The following NCR1 variants were observed in gnomAD, a reference collection of about 807,000 sequenced individuals.
The protein encoded by NCR1 is NK cell-activating receptor.
Under a neutral mutation model 32.5 loss-of-function variants are expected in NCR1, and 30 were observed. That is an observed-to-expected ratio of 0.92 (90% CI 0.69 to 1.25). The LOEUF is 1.25. Among genes scored for constraint, NCR1 ranks in the 50% most tolerant of loss-of-function variants. The pLI is 0.00. For synonymous variants in NCR1, 169 were observed against 143.4 expected, an observed-to-expected ratio of 1.18 and a Z score of -1.28; for missense variants, 369 against 380.7, an observed-to-expected ratio of 0.97 and a Z score of 0.26.
chr19:54,906,198 C>T lies in NCR1; in HGVS notation c.11C>T (p.Thr4Ile), dbSNP rs1449775203. The T allele has an allele frequency of 3.1e-6, 5 of 1,614,058 alleles. No homozygotes were observed. Among genetic ancestry groups the T allele is most frequent in the Non-Finnish European group, 4.2e-6 (5 of 1,180,056 alleles). The change falls in exon 1 of 7, where the codon ACA (threonine) becomes ATA (isoleucine). Residue 4 changes from threonine to isoleucine, a missense_variant. Physicochemically the swap from Thr to Ile is moderately conservative, Grantham distance 89. Transcript: ENST00000291890. ...GGCAGAATCTGAGCGATGTCTTCCA[C>T]ACTCCCTGCCCTGCTCTGCGTCGGT... MSS[T>I]LPALLCVGLC... is the part of the protein sequence containing the mutation.
At chr19:54,913,381 A>G (rs573616261), downstream of NCR1, among the ~76,000 whole-genome samples, 14 of 152,154 alleles carry the variant, frequency 9.2e-5, no homozygotes, top group African/African-American at 3.4e-4. Context: ...GACAAATCCT[A>G]TGGTCTCTTC....
chr19:54,926,135 G>C, the NCR1 span, among the ~76,000 whole-genome samples: 1 of 152,018 alleles, frequency 6.6e-6, no homozygotes, highest in Non-Finnish European at 1.5e-5. Flanking sequence ...GCATCTGTAG[G>C]ACGATCTTCT....
At chr19:54,931,883 C>T in the NCR1 span, among the ~76,000 whole-genome samples, 25 of 151,732 alleles carry the variant, frequency 1.6e-4, no homozygotes, top group Admixed American at 7.9e-4. Context: ...CTTCTGATTC[C>T]ATCCATTTCC....
chr19:54,909,143 C>T, intron 3 of NCR1, 102 bp from the exon 4 acceptor site: 4 of 1,194,618 alleles, frequency 3.3e-6, no homozygotes, highest in South Asian at 3.1e-5. Flanking sequence ...GCACTCCAGC[C>T]TGGGCGACAG....
chr19:54,936,366 G>GTCTTCTTCCCAATGAAAGCAA, the NCR1 span: 1 of 1,613,984 alleles, frequency 6.2e-7, no homozygotes, highest in Non-Finnish European at 8.5e-7. Flanking sequence ...GTGCGTGAGG[G>GTCTTCTTCCCAATGAAAGCAA]TCTTCTTCCC....
chr19:54,924,009 C>A, the NCR1 span: 1 of 935,878 alleles, frequency 1.1e-6, no homozygotes, highest in Non-Finnish European at 1.7e-6. Context: ...GCTCTGTTGC[C>A]CAGGCTGGGG....
At chr19:54,925,767 G>A in the NCR1 span, among the ~76,000 whole-genome samples, 1 of 152,210 alleles carries the variant, frequency 6.6e-6, no homozygotes, top group Admixed American at 6.6e-5. Context: ...GGGAGGCCGA[G>A]GTGGGCAGAT....
chr19:54,931,975 G>T, the NCR1 span, among the ~76,000 whole-genome samples: 5 of 152,036 alleles, frequency 3.3e-5, no homozygotes, highest in African/African-American at 1.2e-4. Flanking sequence ...CTTATTTTCT[G>T]CGTGGTTAGA....
chr19:54,923,616 G>A, the NCR1 span: 1 of 1,091,946 alleles, frequency 9.2e-7, no homozygotes, highest in African/African-American at 1.5e-5. Context: ...GAGAAAACCA[G>A]TGTCAAATCC....
chr19:54,917,569 C>G (rs2068161492), downstream of NCR1, among the ~76,000 whole-genome samples: 1 of 152,134 alleles, frequency 6.6e-6, no homozygotes, highest in African/African-American at 2.4e-5. Context: ...GATCCGCCCA[C>G]CTTGGCCTCC....
At chr19:54,924,014 C>G in the NCR1 span, 1 of 896,420 alleles carries the variant, frequency 1.1e-6, no homozygotes, top group African/African-American at 1.7e-5. Context: ...GTTGCCCAGG[C>G]TGGGGTACAG....
chr19:54,927,871 C>A, the NCR1 span: 2 of 1,036,930 alleles, frequency 1.9e-6, no homozygotes, highest in East Asian at 4.8e-5. Context: ...GCGGGTGGAT[C>A]ACTTGAGGCC....
chr19:54,922,507 G>C, the NCR1 span, among the ~76,000 whole-genome samples: 1 of 151,944 alleles, frequency 6.6e-6, no homozygotes, highest in Non-Finnish European at 1.5e-5. Context: ...GCTGGGCTCG[G>C]TGGCTCACGC....
At chr19:54,933,920 C>T in the NCR1 span, among the ~76,000 whole-genome samples, 662 of 152,256 alleles carry the variant, frequency 4.3e-3, 4 homozygotes, top group East Asian at 0.025. Flanking sequence ...CAAGATGCAG[C>T]GGTCCACCTG....
At chr19:54,928,176 C>T in the NCR1 span, among the ~76,000 whole-genome samples, 4 of 152,102 alleles carry the variant, frequency 2.6e-5, no homozygotes, top group African/African-American at 9.7e-5. Flanking sequence ...GCCCAGATTG[C>T]GCCACTGCAC....
chr19:54,915,656 A>T (rs1477675053), downstream of NCR1: 1 of 151,926 alleles, frequency 6.6e-6, no homozygotes, highest in Non-Finnish European at 1.5e-5. Flanking sequence ...CTCTCAAAAT[A>T]AATAAACTGC....
the NCR1 span, among the ~76,000 whole-genome samples, chr19:54,927,113 G>T: frequency 2.7e-5 from 4 of 145,486 alleles, no homozygotes; most frequent in Admixed American, 2.8e-4. Flanking sequence ...AAAAGGCCGG[G>T]TGCAATGGCT....
At chr19:54,916,112 A>C (rs269918), downstream of NCR1, 70,127 of 151,354 alleles carry the variant, frequency 0.46, 17,159 homozygotes, top group Non-Finnish European at 0.56. Context: ...GTGTAATCCT[A>C]TGCTTAATAA....
Position 54,909,236 on chromosome 19 carries a change from C to T in NCR1, c.356-9C>T. Reference sequence around the variant, plus strand: ...GTTTCTGGTGTGGTGGCCCCACCTTCTCTCATAGAAATGTATGACACACCC... The same window carrying T: ...GTTTCTGGTGTGGTGGCCCCACCTTTTCTCATAGAAATGTATGACACACCC... On this transcript the variant is annotated splice_polypyrimidine_tract_variant and intron_variant, in intron 3 of 6. Coordinates refer to ENST00000291890, the MANE Select transcript of NCR1 (RefSeq NM_004829.7). 6.2e-7 allele frequency: 1 copy of T among 1,600,792 alleles called. No individual in the cohort carries two copies.
Sources: allele counts gnomAD v4.1 joint callset (sites outside exome capture counted in the v4.1 genomes callset), GRCh38; gene constraint gnomAD v4.1.1; transcripts MANE v1.5; gene names NCBI Gene and HGNC (gene_info 2026-07-23, HGNC 2026-07-21).